The following MTMR7 variants were observed in gnomAD, a reference collection of about 807,000 sequenced individuals.
The protein encoded by MTMR7 is myotubularin related protein 7.
In MTMR7, 76 loss-of-function variants were observed where a neutral mutation model predicts 81.2. That is an observed-to-expected ratio of 0.94 (90% CI 0.78 to 1.13). The LOEUF (loss-of-function observed/expected upper bound fraction) is 1.13. MTMR7 is among the 50% of genes most tolerant of loss of function. MTMR7 has a pLI of 0.00. For missense variants in MTMR7, 1,044 were observed against 820.0 expected (o/e 1.27, Z -3.34); for synonymous variants, 372 against 289.8 (o/e 1.28, Z -2.88).
chr8:17,317,509 G>C (rs192018303), intron 7 of MTMR7, among the ~76,000 whole-genome samples: 3 of 151,972 alleles, frequency 2.0e-5, no homozygotes, highest in African/African-American at 2.4e-5. Context: ...CCCTCTTCCA[G>C]CTTTGCCTGG....
intron 3 of MTMR7, among the ~76,000 whole-genome samples, chr8:17,364,383 C>T (rs1198115619): frequency 6.6e-6 from 1 of 152,132 alleles, no homozygotes; most frequent in East Asian, 1.9e-4. Context: ...TTAATTCAAG[C>T]TAATTAACAT....
At chr8:17,374,901 C>A (rs775101141) in intron 1 of MTMR7, among the ~76,000 whole-genome samples, 5 of 151,976 alleles carry the variant, frequency 3.3e-5, no homozygotes, top group Non-Finnish European at 7.4e-5. Flanking sequence ...CCAGCCTGGC[C>A]AACATGGTGA....
intron 1 of MTMR7, among the ~76,000 whole-genome samples, chr8:17,388,034 T>C (rs549865529): frequency 2.0e-5 from 3 of 152,198 alleles, no homozygotes; most frequent in Admixed American, 6.5e-5. Context: ...GTAAGAGTGA[T>C]AGAAATTCTT....
At chr8:17,377,986 T>C (rs1290075041) in intron 1 of MTMR7, among the ~76,000 whole-genome samples, 1 of 152,300 alleles carries the variant, frequency 6.6e-6, no homozygotes, top group Non-Finnish European at 1.5e-5. Context: ...ATATTTGATA[T>C]GGATTATTCT....
chr8:17,330,625 T>C (rs1316915129), intron 7 of MTMR7, among the ~76,000 whole-genome samples: 1 of 152,208 alleles, frequency 6.6e-6, no homozygotes, highest in East Asian at 1.9e-4. Context: ...TGTGGGTACG[T>C]GTCTTGTCAT....
At chr8:17,395,261 A>G (rs1331020323) in intron 1 of MTMR7, among the ~76,000 whole-genome samples, 1 of 152,120 alleles carries the variant, frequency 6.6e-6, no homozygotes, top group Admixed American at 6.5e-5. Context: ...ATTCCTTTTC[A>G]AGGCTGAATA....
In MTMR7 at chr8:17,361,271, T is replaced by C; in HGVS notation, c.314A>G (p.Lys105Arg). 6.2e-7 allele frequency: 1 copy of C among 1,614,094 alleles called. No individual in the cohort carries two copies. The highest frequency in any genetic ancestry group is 1.7e-4 in the Middle Eastern group (1 of 6,060). The change falls in exon 4 of 14, where the codon AAA becomes AGA. Residue 105 changes from lysine to arginine, a missense_variant. Coordinates refer to ENST00000180173, the MANE Select transcript of MTMR7 (RefSeq NM_004686.5). ...TGAAAAGCAGTATAACTCCTCATATTTCACTGCAAGAAAAGGTAGGATAAA... is the reference window on the plus strand; with the variant it reads ...TGAAAAGCAGTATAACTCCTCATATCTCACTGCAAGAAAAGGTAGGATAAA... ...ISLIRLARPV[K>R]YEELYCFSFN...
At chr8:17,335,100 A>T (rs936325308) in intron 6 of MTMR7, among the ~76,000 whole-genome samples, 3 of 152,188 alleles carry the variant, frequency 2.0e-5, no homozygotes, top group African/African-American at 7.2e-5. Flanking sequence ...GTCTAACTGA[A>T]AAACTGGAGA....
intron 5 of MTMR7, among the ~76,000 whole-genome samples, chr8:17,345,642 A>G (rs895964225): frequency 9.2e-5 from 14 of 152,250 alleles, no homozygotes; most frequent in African/African-American, 2.9e-4. Context: ...AGTAATGGCA[A>G]AAACTGAAAT....
At chr8:17,403,604 G>T (rs1821490538) in intron 1 of MTMR7, among the ~76,000 whole-genome samples, 1 of 151,906 alleles carries the variant, frequency 6.6e-6, no homozygotes, top group South Asian at 2.1e-4. Flanking sequence ...TTCTATTTCT[G>T]TCAAGAATGG....
chr8:17,323,864 A>G (rs1818535156), intron 7 of MTMR7, among the ~76,000 whole-genome samples: 1 of 152,194 alleles, frequency 6.6e-6, no homozygotes, highest in South Asian at 2.1e-4. Flanking sequence ...ACTCATTTTG[A>G]AGCTCTCCTA....
In MTMR7 at chr8:17,302,060, T is replaced by C. The variant is rs1372402570; in HGVS notation, c.1620+94A>G. 9 of 1,510,172 alleles carry C rather than the reference T, an allele frequency of 6.0e-6. No individual in the cohort carries two copies. In the Middle Eastern group the frequency reaches 7.1e-4, roughly 119 times the overall value. 93.5% of individuals were successfully genotyped at this position (1,510,172 alleles called of 1,614,324 possible). On this transcript the variant is annotated intron_variant, in intron 13 of 13. Transcript: ENST00000180173. ...TTCTACTGACTAAAAATGTGAAATA[T>C]TTGTATTGCACTGAATCTTAAGAGG...
At chr8:17,306,603 C>T (rs547019380) in intron 10 of MTMR7, among the ~76,000 whole-genome samples, 1 of 152,108 alleles carries the variant, frequency 6.6e-6, no homozygotes, top group Non-Finnish European at 1.5e-5. Context: ...CTTTACACTA[C>T]TGTGTGAGTT....
At chr8:17,389,795 A>G (rs894727982) in intron 1 of MTMR7, among the ~76,000 whole-genome samples, 3 of 152,320 alleles carry the variant, frequency 2.0e-5, no homozygotes, top group Admixed American at 2.0e-4. Flanking sequence ...AAATGTGAAA[A>G]GTAGGGCCAT....
intron 6 of MTMR7, among the ~76,000 whole-genome samples, chr8:17,332,152 C>T (rs764331172): frequency 6.6e-6 from 1 of 152,190 alleles, no homozygotes; most frequent in Non-Finnish European, 1.5e-5. Context: ...GCTGACCATT[C>T]TCCTCCTCCA....
In MTMR7 at chr8:17,341,426, G is replaced by A. The variant is rs145179468; in HGVS notation, c.669C>T (p.Leu223=). 3 of 1,614,056 alleles carry A rather than the reference G, an allele frequency of 1.9e-6. No individual in the cohort carries two copies. The highest frequency in any genetic ancestry group is 1.1e-5 in the South Asian group (1 of 91,070). Residue 223 remains leucine, a synonymous_variant, in exon 6 of 14, where the codon CTC becomes CTT. Transcript: ENST00000180173. Reference sequence around the variant, plus strand: ...CTGGATTGGCTTTCCTAATGGCCTGGAGCATCTGCTCGTCCTCTAGGCACC... The same window carrying A: ...CTGGATTGGCTTTCCTAATGGCCTGAAGCATCTGCTCGTCCTCTAGGCACC... ...SARCLEDEQM[L]QAIRKANPGS... is the part of the protein sequence containing the mutation.
chr8:17,357,345 C>T (rs186831370), intron 4 of MTMR7, among the ~76,000 whole-genome samples: 2 of 152,292 alleles, frequency 1.3e-5, no homozygotes, highest in East Asian at 3.9e-4. Context: ...ATACATGTTT[C>T]TTAAACGAAA....
intron 5 of MTMR7, among the ~76,000 whole-genome samples, chr8:17,343,533 G>C (rs1029288414): frequency 6.6e-6 from 1 of 152,230 alleles, no homozygotes; most frequent in East Asian, 1.9e-4. Context: ...ACGAGAATTT[G>C]AGAACACACA....
intron 1 of MTMR7, among the ~76,000 whole-genome samples, chr8:17,383,222 G>A (rs1295022524): frequency 2.0e-5 from 3 of 152,134 alleles, no homozygotes. Context: ...GCCAAATCCA[G>A]GCAATCCAGG....
Sources: allele counts gnomAD v4.1 joint callset (sites outside exome capture counted in the v4.1 genomes callset), GRCh38; gene constraint gnomAD v4.1.1; transcripts MANE v1.5; gene names NCBI Gene and HGNC (gene_info 2026-07-23, HGNC 2026-07-21).